Variants in INTS1 observed in about 807,000 individuals in gnomAD.
INTS1 encodes the protein integrator complex subunit 1.
A neutral mutation model predicts 241.6 loss-of-function variants in INTS1; 137 were observed. That is an observed-to-expected ratio of 0.57 (90% CI 0.49 to 0.65). The LOEUF (loss-of-function observed/expected upper bound fraction) is 0.65. INTS1 is among the 30% of genes least tolerant of loss of function. INTS1 has a pLI of 0.00. For missense variants in INTS1, 3,073 were observed against 3,032.2 expected, an observed-to-expected ratio of 1.01 and a Z score of -0.32; for synonymous variants, 1,692 against 1,337.8, an observed-to-expected ratio of 1.26 and a Z score of -5.78.
At chr7:1,496,058 G>C in intron 12 of INTS1, 98 bp downstream of exon 12, 1 of 869,806 alleles carries the variant, frequency 1.1e-6, no homozygotes, top group Non-Finnish European at 1.8e-6. Context: ...CGCTCCTGCC[G>C]GGCGCTCAGG....
At chr7:1,470,808 A>T in intron 47 of INTS1, 38 bp downstream of exon 47, 1 of 1,520,618 alleles carries the variant, frequency 6.6e-7, no homozygotes, top group Non-Finnish European at 8.9e-7. Flanking sequence ...GGCCTCCCCG[A>T]GGGCTGCCAG....
At chr7:1,485,269 G>A (rs768538591) in intron 23 of INTS1, 21 bp downstream of exon 23, 14 of 1,599,402 alleles carry the variant, frequency 8.8e-6, no homozygotes, top group Admixed American at 1.7e-5. Flanking sequence ...TCCCTGCCGC[G>A]GCCCCGGTCA....
In INTS1 at chr7:1,487,915, G is replaced by T; in HGVS notation, c.2361C>A (p.Thr787=). 6.2e-7 allele frequency: 1 copy of T among 1,613,462 alleles called. No homozygotes were observed. Among genetic ancestry groups the T allele is most frequent in the Non-Finnish European group, 8.5e-7 (1 of 1,179,842 alleles). ...YPPCTLTDEE[T]RTEMLNRELQ... ...GCTCACGGTTCAGCATCTCCGTCCG[G>T]GTCTCCTCATCCGTCAGGGTGCACG... Residue 787 remains threonine (T), a synonymous_variant, in exon 19 of 48, where the codon ACC becomes ACA. Transcript: ENST00000404767.
chr7:1,496,909 G>A (rs1266186572), intron 11 of INTS1, among the ~76,000 whole-genome samples: 4 of 152,150 alleles, frequency 2.6e-5, no homozygotes, highest in Non-Finnish European at 4.4e-5. Flanking sequence ...TCCAGCCTAG[G>A]GGTTGCCAGT....
At chr7:1,502,602 C>A (rs916780524) in intron 3 of INTS1, among the ~76,000 whole-genome samples, 1 of 152,190 alleles carries the variant, frequency 6.6e-6, no homozygotes. Flanking sequence ...GGTTTACCCC[C>A]AGGGCTCAGA....
chr7:1,486,602 G>A (rs745918431), intron 22 of INTS1, 23 bp downstream of exon 22: 4 of 1,606,926 alleles, frequency 2.5e-6, no homozygotes, highest in East Asian at 2.2e-5. Flanking sequence ...AGCGTGCGCA[G>A]AAAGACCCGC....
At position 1,472,252 on chromosome 7, in the gene INTS1, G is replaced by A. The variant is rs371911845; in HGVS notation, c.6184+21C>T. 1,279 of 1,528,466 alleles carry A rather than the reference G, an allele frequency of 8.4e-4. 12 individuals carry two copies. The African/African-American group carries it at 0.014, about 17-fold the overall frequency. 94.7% of individuals were successfully genotyped at this position (1,528,466 alleles called of 1,614,324 possible). On this transcript the variant is annotated intron_variant, in intron 44 of 47. Coordinates refer to ENST00000404767, the MANE Select transcript of INTS1 (RefSeq NM_001080453.3). ...GACCCAGGGCGCTGACCTGGCGTGG[G>A]TGAAGCAGGGCCTGACTCACCCTCC...
intron 33 of INTS1, among the ~76,000 whole-genome samples, 192 bp from the exon 34 acceptor site, chr7:1,478,128 C>T (rs967135855): frequency 6.6e-6 from 1 of 151,766 alleles, no homozygotes; most frequent in Non-Finnish European, 1.5e-5. Context: ...AGAGTGCGGC[C>T]GGGGCCGGGG....
intron 35 of INTS1, 91 bp from the exon 36 acceptor site, chr7:1,477,009 CAG>C (rs751289363): frequency 1.0e-4 from 148 of 1,472,364 alleles, no homozygotes; most frequent in African/African-American, 8.8e-4. Context: ...ATGAGCCACT[CAG>C]AGAGCCGAGG....
intron 7 of INTS1, 35 bp downstream of exon 7, chr7:1,499,220 C>A (rs757298366): frequency 1.9e-6 from 3 of 1,605,560 alleles, no homozygotes; most frequent in East Asian, 2.2e-5. Flanking sequence ...CCGCCCCCGC[C>A]GCCCCCAACT....
At chr7:1,473,536 G>A (rs572363770) in intron 42 of INTS1, 30 bp downstream of exon 42, 35 of 1,565,402 alleles carry the variant, frequency 2.2e-5, no homozygotes, top group South Asian at 8.2e-5. Context: ...CCGGAGGCCC[G>A]AGGCTTCCCT....
chr7:1,499,262 T>C lies in INTS1; in HGVS notation c.943A>G (p.Met315Val), dbSNP rs766779924. The C allele has an allele frequency of 5.0e-5, 81 of 1,609,804 alleles. No individual in the cohort carries two copies. Among genetic ancestry groups the C allele is most frequent in the Non-Finnish European group, 6.3e-5 (74 of 1,179,040 alleles). Residue 315 changes from methionine (M) to valine (V), a missense_variant, in exon 7 of 48, where the codon ATG (methionine) becomes GTG (valine). Coordinates refer to ENST00000404767, the MANE Select transcript of INTS1 (RefSeq NM_001080453.3). ...KLSPEQEGQL[M>V]PRYEELAESV... ...GGGCAGGCACGCAGCTACCTGGGCA[T>C]GAGCTGGCCCTCCTGCTCGGGGCTC...
Position 1,499,171 on chromosome 7 carries a change from A to G in INTS1, c.951-10T>C. ...CGCGAGCTCTTCGTACCTAGGCCAG[A>G]GGAGGGAGCGAGGAGGGAGGAAGGT... On this transcript the variant is annotated splice_polypyrimidine_tract_variant and intron_variant, in intron 7 of 47. Transcript: ENST00000404767. The G allele has an allele frequency of 1.2e-6, 2 of 1,607,382 alleles. No individual in the cohort carries two copies. Among genetic ancestry groups the G allele is most frequent in the South Asian group, 2.2e-5 (2 of 90,960 alleles).
In INTS1 at chr7:1,500,357, G is replaced by A. The variant is rs1014227456; in HGVS notation, c.359C>T (p.Thr120Met). 1.5e-5 allele frequency: 23 copies of A among 1,574,582 alleles called. No individual in the cohort carries two copies. The East Asian group carries it at 3.2e-4, about 22-fold the overall frequency. The change falls in exon 4 of 48, where the codon ACG becomes ATG. Residue 120 changes from threonine to methionine, a missense_variant. Transcript: ENST00000404767. The stretch of plus-strand genomic sequence containing the variant: ...CGCCTCGATCTCATCCAGCAGCACC[G>A]TGGGCAGCACTGGCCGGGGCAGGCG... ...PSVVPIEVLP[T>M]VLLDEIEAAE... is the part of the protein sequence containing the mutation.
Position 1,487,750 on chromosome 7 carries a change from G to A in INTS1, c.2516+10C>T, listed in dbSNP as rs1247385135. 1.9e-6 allele frequency: 3 copies of A among 1,606,046 alleles called. No individual in the cohort carries two copies. Among genetic ancestry groups the A allele is most frequent in the South Asian group, 2.2e-5 (2 of 91,064 alleles). ...GGCAGGCGCAGGGCGGGGCTGTGTG[G>A]GCTGCGTACTGGGGGTCCAGGCTGG... On this transcript the variant is annotated intron_variant, in intron 19 of 47. Transcript: ENST00000404767.
At chr7:1,499,842 T>C in intron 5 of INTS1, 42 bp downstream of exon 5, 1 of 1,592,312 alleles carries the variant, frequency 6.3e-7, no homozygotes, top group Non-Finnish European at 8.6e-7. Context: ...CCCCACCCCG[T>C]GGCGCTCTGC....
chr7:1,503,434 T>C (rs1023601229), intron 2 of INTS1, among the ~76,000 whole-genome samples: 1 of 152,138 alleles, frequency 6.6e-6, no homozygotes, highest in Non-Finnish European at 1.5e-5. Context: ...CAAATTAGTG[T>C]GCTTAGTAAC....
Position 1,494,868 on chromosome 7 carries a change from G to A in INTS1, c.1858C>T (p.Gln620Ter), listed in dbSNP as rs867656701. The stretch of plus-strand genomic sequence containing the variant: ...TCCCACTTGTAGTAGGTCTCCGGCT[G>A]CTCTGTGAACAGCACCTTGTGCAGG... ...HCLHKVLFTE[Q>*]PETYYKWDNW... Residue 620 changes from glutamine to a stop codon, truncating the protein, a stop_gained, in exon 14 of 48, where the codon CAG (glutamine) becomes TAG (stop). Coordinates refer to ENST00000404767, the MANE Select transcript of INTS1 (RefSeq NM_001080453.3). LOFTEE classifies it high-confidence loss of function. The A allele has an allele frequency of 1.3e-6, 2 of 1,566,524 alleles. No individual in the cohort carries two copies. Among genetic ancestry groups the A allele is most frequent in the Non-Finnish European group, 1.7e-6 (2 of 1,156,196 alleles).
In INTS1 at chr7:1,481,231, C is replaced by A. The variant is rs1001629398; in HGVS notation, c.3850+111G>T. On this transcript the variant is annotated intron_variant, in intron 28 of 47. Transcript: ENST00000404767. The surrounding 1 kb of genome is among the most constrained non-coding windows in gnomAD (Gnocchi z 6.8). ...AGCCTGCCCTCGAGTGCCACCCACA[C>A]CCACCCGACCTCGGATCACCCACCC... 7.9e-7 allele frequency: 1 copy of A among 1,268,436 alleles called. No homozygotes were observed. Among genetic ancestry groups the A allele is most frequent in the Admixed American group, 1.9e-5 (1 of 51,712 alleles). The allele number at this position is 1,268,436 out of a possible 1,614,324, so 78.6% of individuals were successfully genotyped here. A position where few individuals can be genotyped will look rare whatever the true frequency, so the allele number is the denominator to read the frequency against.
Sources: gnomAD v4.1 joint callset for allele counts (sites outside exome capture counted in the v4.1 genomes callset) on GRCh38, gnomAD v4.1.1 for gene constraint, Gnocchi (gnomAD v3.1) non-coding constraint, MANE v1.5 for transcripts, NCBI Gene and HGNC (gene_info 2026-07-23, HGNC 2026-07-21) for gene names.